The following CRISP2 variants were observed in gnomAD, a reference collection of about 807,000 sequenced individuals.
The protein encoded by CRISP2 is cysteine-rich secretory protein 2.
Under a neutral mutation model 31.7 loss-of-function variants are expected in CRISP2, and 29 were observed. That is an observed-to-expected ratio of 0.92 (90% CI 0.68 to 1.25). CRISP2 has a LOEUF of 1.25. CRISP2 is among the 50% of genes most tolerant of loss of function. The pLI is 0.00. For synonymous variants in CRISP2, 111 were observed against 101.4 expected (o/e 1.09, Z -0.57); for missense variants, 318 against 286.5 (o/e 1.11, Z -0.79).
At chr6:49,687,558 C>T (rs1034882382), downstream of CRISP2, among the ~76,000 whole-genome samples, 4 of 152,080 alleles carry the variant, frequency 2.6e-5, no homozygotes, top group South Asian at 2.1e-4. Flanking sequence ...TCTTGTCATG[C>T]GAACAAGGGC....
At chr6:49,709,279 T>A (rs1337103782) in intron 3 of CRISP2, 74 bp from the exon 4 acceptor site, 1 of 1,237,396 alleles carries the variant, frequency 8.1e-7, no homozygotes, top group South Asian at 1.3e-5. Context: ...AATACCAATA[T>A]AATGATCTCG....
chr6:49,693,735 G>A (rs1764281796), intron 9 of CRISP2, among the ~76,000 whole-genome samples: 1 of 151,832 alleles, frequency 6.6e-6, no homozygotes, highest in South Asian at 2.1e-4. Context: ...ACCATCTAAT[G>A]TTTTTTTCAG....
intron 8 of CRISP2, chr6:49,697,634 C>A (rs970082863): frequency 8.2e-7 from 1 of 1,216,612 alleles, no homozygotes; most frequent in African/African-American, 1.5e-5. Flanking sequence ...AAAGAAAAGA[C>A]ATTATTCTGT....
chr6:49,680,896 C>A, the CRISP2 span, among the ~76,000 whole-genome samples: 1 of 152,038 alleles, frequency 6.6e-6, no homozygotes, highest in Non-Finnish European at 1.5e-5. Context: ...AGATATTAGA[C>A]CTTTGTCAGA....
rs1217314498 is a variant in CRISP2, at chr6:49,705,175, G to A, written c.66+3956C>T. Among the ~76,000 whole-genome samples, 3 of 152,140 alleles carry A rather than the reference G, an allele frequency of 2.0e-5. No homozygotes were observed. In the East Asian group the frequency reaches 5.8e-4, roughly 30 times the overall value. The stretch of plus-strand genomic sequence containing the variant: ...CTGAACTCTGACTCTCCTTGGTGGG[G>A]GCTTACTGCAGCCACTGTGCAAGAT... On this transcript the variant is annotated intron_variant, in intron 4 of 9. Transcript: ENST00000339139.
intron 3 of CRISP2, 135 bp from the exon 4 acceptor site, chr6:49,709,340 G>A: frequency 2.7e-6 from 2 of 745,840 alleles, no homozygotes; most frequent in East Asian, 2.8e-5. Context: ...TGGAACAAAA[G>A]AAGAATTGCC....
At position 49,692,881 on chromosome 6, in the gene CRISP2, T is replaced by C; in HGVS notation, c.624A>G (p.Gln208=). 1 of 1,613,718 alleles carries C rather than the reference T, an allele frequency of 6.2e-7. No individual in the cohort carries two copies. Among genetic ancestry groups the C allele is most frequent in the Non-Finnish European group, 8.5e-7 (1 of 1,179,678 alleles). ...KGLCTNSCQY[Q]DLLSNCDSLK... ...AGGAATCACAGTTACTTAGGAGATCTTGATACTGGCAACTATTGGCTGTAA... is the reference window on the plus strand; with the variant it reads ...AGGAATCACAGTTACTTAGGAGATCCTGATACTGGCAACTATTGGCTGTAA... Residue 208 remains glutamine (Q), a synonymous_variant, in exon 10 of 10, where the codon CAA becomes CAG. Transcript: ENST00000339139.
chr6:49,688,366 T>G (rs997630694), downstream of CRISP2, among the ~76,000 whole-genome samples: 13 of 152,196 alleles, frequency 8.5e-5, no homozygotes, highest in African/African-American at 3.1e-4. Context: ...TTTTTATTTT[T>G]TAAGGCTAGT....
At chr6:49,697,726 TA>T in intron 8 of CRISP2, 133 bp downstream of exon 8, 1 of 1,542,392 alleles carries the variant, frequency 6.5e-7, no homozygotes. Flanking sequence ...GTCTCAACCT[TA>T]AAAAACATTT....
At chr6:49,681,339 T>TCTGTTTA in the CRISP2 span, among the ~76,000 whole-genome samples, 2 of 152,160 alleles carry the variant, frequency 1.3e-5, no homozygotes, top group East Asian at 3.9e-4. Flanking sequence ...CTCTATTCTG[T>TCTGTTTA]TCCACTGGTC....
At chr6:49,704,059 AT>A (rs1170591523) in intron 4 of CRISP2, among the ~76,000 whole-genome samples, 4 of 151,686 alleles carry the variant, frequency 2.6e-5, no homozygotes, top group African/African-American at 7.2e-5. Flanking sequence ...TCTTTTTATC[AT>A]TTTTTTGTCT....
chr6:49,701,790 G>A (rs139204151), intron 4 of CRISP2, among the ~76,000 whole-genome samples: 2,393 of 99,568 alleles, frequency 0.024, 180 homozygotes, highest in African/African-American at 0.095. Flanking sequence ...ATATATGTAT[G>A]TATGTACACA....
At chr6:49,697,407 G>GTGTGTGTGTGTGTGTGTGTGT (rs970345647) in intron 8 of CRISP2, among the ~76,000 whole-genome samples, 2,552 of 151,076 alleles carry the variant, frequency 0.017, 81 homozygotes, top group African/African-American at 0.059. Context: ...TGTGTGTGGT[G>GTGTGTGTGTGTGTGTGTGTGT]GTGTGTGTGT....
chr6:49,708,862 T>A (rs530994504), intron 4 of CRISP2, among the ~76,000 whole-genome samples: 3 of 152,336 alleles, frequency 2.0e-5, no homozygotes, highest in Middle Eastern at 3.4e-3. Context: ...TCTAGTGAGT[T>A]TCTTACCATC....
chr6:49,699,531 T>A (rs2127401786), intron 6 of CRISP2, among the ~76,000 whole-genome samples: 1 of 152,206 alleles, frequency 6.6e-6, no homozygotes, highest in African/African-American at 2.4e-5. Flanking sequence ...GGCTTTCTAA[T>A]CTTTAAACTT....
chr6:49,694,022 T>G (rs2127385264), intron 9 of CRISP2, among the ~76,000 whole-genome samples: 1 of 152,344 alleles, frequency 6.6e-6, no homozygotes, highest in South Asian at 2.1e-4. Context: ...ATCTAGGCAC[T>G]AAAGAATTAA....
the CRISP2 span, among the ~76,000 whole-genome samples, chr6:49,681,715 A>G: frequency 0.74 from 112,166 of 152,058 alleles, 42,170 homozygotes; most frequent in East Asian, 0.97. Flanking sequence ...TTAATGCCAA[A>G]GTTTTCTTTT....
chr6:49,695,753 T>A (rs1764625339), intron 9 of CRISP2, 83 bp downstream of exon 9: 1 of 1,094,052 alleles, frequency 9.1e-7, no homozygotes, highest in African/African-American at 1.6e-5. Context: ...ATTCATTACG[T>A]TAGGAGATTT....
downstream of CRISP2, among the ~76,000 whole-genome samples, chr6:49,689,811 C>T (rs978524190): frequency 3.3e-5 from 5 of 152,070 alleles, no homozygotes. Flanking sequence ...ATCCCCCTCT[C>T]CTCACTATTC....
Sources: gnomAD v4.1 joint callset for allele counts (sites outside exome capture counted in the v4.1 genomes callset) on GRCh38, gnomAD v4.1.1 for gene constraint, MANE v1.5 for transcripts, NCBI Gene and HGNC (gene_info 2026-07-23, HGNC 2026-07-21) for gene names.